PEX13: variants seen among roughly 807,000 people sequenced by gnomAD.
PEX13 encodes the protein peroxisome biogenesis factor 13.
A neutral mutation model predicts 34.5 loss-of-function variants in PEX13; 28 were observed. That is an observed-to-expected ratio of 0.81 (90% CI 0.60 to 1.11). The LOEUF (loss-of-function observed/expected upper bound fraction) is 1.11, where lower values mean the gene tolerates loss of function less well. PEX13 is among the 50% of genes most tolerant of loss of function. The probability of loss-of-function intolerance (pLI) is 0.00; values close to 1 mark genes in which losing one functional copy is unlikely to be tolerated. For missense variants in PEX13, 550 were observed against 491.0 expected (o/e 1.12, Z -1.13); for synonymous variants, 177 against 175.1 (o/e 1.01, Z -0.09).
intron 2 of PEX13, among the ~76,000 whole-genome samples, chr2:61,040,080 G>A (rs2104808986): frequency 6.6e-6 from 1 of 152,194 alleles, no homozygotes; most frequent in South Asian, 2.1e-4. Flanking sequence ...TAAAAAGTCA[G>A]GAAACAACAG....
At position 61,049,863 on chromosome 2, in the gene PEX13, C is replaced by T. The variant is rs1393267662; in HGVS notation, c.*1093C>T. 1 of 152,206 alleles carries T rather than the reference C, an allele frequency of 6.6e-6. No individual in the cohort carries two copies. The highest frequency in any genetic ancestry group is 1.5e-5 in the Non-Finnish European group (1 of 68,022). The allele number at this position is 152,206 out of a possible 1,614,324, so 9.4% of individuals were successfully genotyped here. On this transcript the variant is annotated 3_prime_UTR_variant, in exon 4 of 4. Coordinates refer to ENST00000295030, the MANE Select transcript of PEX13 (RefSeq NM_002618.4). ...TATATGAAAGGTATACTTTCTTTTCCTACAACAAATACTTGAGTTCTTTTG... is the reference window on the plus strand; with the variant it reads ...TATATGAAAGGTATACTTTCTTTTCTTACAACAAATACTTGAGTTCTTTTG...
chr2:61,042,018 C>T (rs1199665765), intron 2 of PEX13, among the ~76,000 whole-genome samples: 1 of 152,166 alleles, frequency 6.6e-6, no homozygotes, highest in Non-Finnish European at 1.5e-5. Flanking sequence ...CAGGGGTTGG[C>T]AAACCGTGGC....
Position 61,049,913 on chromosome 2 carries a change from G to C in PEX13, c.*1143G>C, listed in dbSNP as rs1252626108. ...GAGTTTGCACTTAATGATATAATCAGTTATAATAGTAATTTTTAATATTTT... is the reference window on the plus strand; with the variant it reads ...GAGTTTGCACTTAATGATATAATCACTTATAATAGTAATTTTTAATATTTT... On this transcript the variant is annotated 3_prime_UTR_variant, in exon 4 of 4. Transcript: ENST00000295030. 1.3e-5 allele frequency: 2 copies of C among 152,148 alleles called. No individual in the cohort carries two copies. The highest frequency in any genetic ancestry group is 6.6e-5 in the Admixed American group (1 of 15,262). The allele number at this position is 152,148 out of a possible 1,614,324, so 9.4% of individuals were successfully genotyped here. A position where few individuals can be genotyped will look rare whatever the true frequency, so the allele number is the denominator to read the frequency against.
In PEX13 at chr2:61,031,860, G is replaced by C; in HGVS notation, c.534G>C (p.Val178=). The stretch of plus-strand genomic sequence containing the variant: ...GATTGAAAATACACTTTACAAAAGT[G>C]TTTTCAGCTTTTGCATTGGTTAGGA... ...FSRLKIHFTK[V]FSAFALVRTI... The change falls in exon 2 of 4, where the codon GTG becomes GTC. Residue 178 remains valine (V), a synonymous_variant. Coordinates refer to ENST00000295030, the MANE Select transcript of PEX13 (RefSeq NM_002618.4). 1 of 1,612,774 alleles carries C rather than the reference G, an allele frequency of 6.2e-7. No homozygotes were observed. Among genetic ancestry groups the C allele is most frequent in the Non-Finnish European group, 8.5e-7 (1 of 1,178,710 alleles).
At chr2:61,028,799 T>G (rs571754890) in intron 1 of PEX13, among the ~76,000 whole-genome samples, 1 of 152,162 alleles carries the variant, frequency 6.6e-6, no homozygotes, top group South Asian at 2.1e-4. Context: ...ACCAACCAAA[T>G]GCAGTGTGTG....
In PEX13 at chr2:61,048,577, G is replaced by A. The variant is rs755008779; in HGVS notation, c.1019G>A (p.Arg340Lys). 6.2e-7 allele frequency: 1 copy of A among 1,614,106 alleles called. No homozygotes were observed. Among genetic ancestry groups the A allele is most frequent in the Non-Finnish European group, 8.5e-7 (1 of 1,179,998 alleles). ...YVKILGKRKG[R>K]KTVESSKVSK... The stretch of plus-strand genomic sequence containing the variant: ...AAAATTCTTGGCAAAAGAAAAGGTA[G>A]GAAAACGGTGGAATCAAGTAAAGTT... The change falls in exon 4 of 4, where the codon AGG becomes AAG. Residue 340 changes from arginine to lysine, a missense_variant. Transcript: ENST00000295030.
At chr2:61,033,938 T>G (rs868365036) in intron 2 of PEX13, among the ~76,000 whole-genome samples, 1 of 152,036 alleles carries the variant, frequency 6.6e-6, no homozygotes. Flanking sequence ...CACTGGAGAT[T>G]TGTGAGCAAA....
chr2:61,021,085 C>T (rs1342176234), intron 1 of PEX13, among the ~76,000 whole-genome samples: 2 of 152,216 alleles, frequency 1.3e-5, no homozygotes, highest in African/African-American at 2.4e-5. Flanking sequence ...CTCTGGTCTG[C>T]AGCTCCCAGC....
intron 2 of PEX13, among the ~76,000 whole-genome samples, chr2:61,043,332 TAAAAAAA>T (rs36040457): frequency 2.7e-5 from 2 of 73,720 alleles, no homozygotes; most frequent in African/African-American, 6.1e-5. Flanking sequence ...CTGTCTCTAC[TAAAAAAA>T]AAAAAAAAAA....
Position 61,031,454 on chromosome 2 carries a change from C to T in PEX13, c.128C>T (p.Pro43Leu). 6.2e-7 allele frequency: 1 copy of T among 1,614,120 alleles called. No individual in the cohort carries two copies. The highest frequency in any genetic ancestry group is 8.5e-7 in the Non-Finnish European group (1 of 1,180,014). ...ADLGPTLMTR[P>L]GQPALTRVPP... ...TTGGGTCCTACTTTAATGACAAGAC[C>T]TGGACAACCAGCACTTACCAGAGTG... Residue 43 changes from proline (P) to leucine (L), a missense_variant, in exon 2 of 4, where the codon CCT becomes CTT. Physicochemically the swap from Pro to Leu is moderately conservative, Grantham distance 98. Transcript: ENST00000295030.
At chr2:61,045,497 G>C (rs190695476) in intron 2 of PEX13, among the ~76,000 whole-genome samples, 1 of 152,096 alleles carries the variant, frequency 6.6e-6, no homozygotes, top group East Asian at 1.9e-4. Context: ...GCCAACCCCT[G>C]GCTCACGGTA....
At chr2:61,047,112 A>G (rs1203427806) in intron 3 of PEX13, among the ~76,000 whole-genome samples, 1 of 152,012 alleles carries the variant, frequency 6.6e-6, no homozygotes, top group Non-Finnish European at 1.5e-5. Context: ...CAAGAAAAAA[A>G]AAACAAACCT....
intron 2 of PEX13, among the ~76,000 whole-genome samples, chr2:61,042,888 G>T (rs919209855): frequency 6.6e-6 from 1 of 152,174 alleles, no homozygotes; most frequent in Non-Finnish European, 1.5e-5. Flanking sequence ...TAAGACAAAT[G>T]ATTTGAATGT....
rs939500739 is a variant in PEX13, at chr2:61,031,704, C to T, written c.378C>T (p.Ser126=). The part of the protein sequence containing the change: ...SRFVQQAEES[S]RGAFQSIESI... Reference sequence around the variant, plus strand: ...TTGTTCAGCAAGCTGAAGAAAGCAGCAGGGGTGCATTTCAGTCCATTGAAA... The same window carrying T: ...TTGTTCAGCAAGCTGAAGAAAGCAGTAGGGGTGCATTTCAGTCCATTGAAA... Residue 126 remains serine (S), a synonymous_variant, in exon 2 of 4, where the codon AGC becomes AGT. Coordinates refer to ENST00000295030, the MANE Select transcript of PEX13 (RefSeq NM_002618.4). 9 of 1,614,076 alleles carry T rather than the reference C, an allele frequency of 5.6e-6. No individual in the cohort carries two copies. The Admixed American group carries it at 6.7e-5, about 12-fold the overall frequency.
intron 1 of PEX13, among the ~76,000 whole-genome samples, chr2:61,023,402 GACACAC>G (rs70959888): frequency 8.9e-5 from 13 of 146,782 alleles, no homozygotes; most frequent in South Asian, 2.2e-4. Context: ...GGAATATACA[GACACAC>G]ACACACACAC....
intron 2 of PEX13, among the ~76,000 whole-genome samples, chr2:61,044,229 G>A (rs1249342021): frequency 2.6e-5 from 4 of 151,918 alleles, no homozygotes; most frequent in Non-Finnish European, 5.9e-5. Context: ...GAGATTACAG[G>A]CATGAACCAC....
rs1282121871 is a variant in PEX13, at chr2:61,032,088, G to A, written c.762G>A (p.Leu254=). ...GTCCTTACCTCATTTGGAAACTATTGTCTACTCACAGTGATGAAGTAACAG... is the reference window on the plus strand; with the variant it reads ...GTCCTTACCTCATTTGGAAACTATTATCTACTCACAGTGATGAAGTAACAG... ...LGGPYLIWKL[L]STHSDEVTDS... Residue 254 remains leucine (L), a synonymous_variant, in exon 2 of 4, where the codon TTG becomes TTA. Transcript: ENST00000295030. 1.9e-5 allele frequency: 30 copies of A among 1,613,204 alleles called. No individual in the cohort carries two copies. Among genetic ancestry groups the A allele is most frequent in the Non-Finnish European group, 2.5e-5 (30 of 1,179,438 alleles).
At chr2:61,032,909 C>CTA in intron 2 of PEX13, among the ~76,000 whole-genome samples, 1 of 152,172 alleles carries the variant, frequency 6.6e-6, no homozygotes, top group Admixed American at 6.5e-5. Flanking sequence ...GGTAGTTGTC[C>CTA]TATAGTATTG....
At chr2:61,018,496 G>GT (rs1680162728) in intron 1 of PEX13, 2 of 535,040 alleles carry the variant, frequency 3.7e-6, no homozygotes, top group Non-Finnish European at 6.1e-6. Flanking sequence ...TTTTTAATCA[G>GT]TATCAGTTGG....
Sources: gnomAD v4.1 joint callset for allele counts (sites outside exome capture counted in the v4.1 genomes callset) on GRCh38, gnomAD v4.1.1 for gene constraint, MANE v1.5 for transcripts, NCBI Gene and HGNC (gene_info 2026-07-23, HGNC 2026-07-21) for gene names.